The following OSBPL9 variants were observed in gnomAD, a reference collection of about 807,000 sequenced individuals.
OSBPL9 encodes the protein oxysterol binding protein like 9, also known as oxysterol-binding protein-related protein 9.
Under a neutral mutation model 106.6 loss-of-function variants are expected in OSBPL9, and 40 were observed. The ratio of observed to expected loss-of-function variants is 0.38; its 90% CI spans 0.29 to 0.49. The LOEUF (loss-of-function observed/expected upper bound fraction) is 0.49. Among genes scored for constraint, OSBPL9 ranks in the 20% least tolerant of loss-of-function variants. The pLI, the probability that OSBPL9 is intolerant of heterozygous loss-of-function variation, is 0.97. For synonymous variants in OSBPL9, 269 were observed against 295.4 expected (o/e 0.91, Z 0.92); for missense variants, 609 against 887.2 (o/e 0.69, Z 3.98).
chr1:51,727,217 A>G (rs1663286484), intron 4 of OSBPL9, among the ~76,000 whole-genome samples: 1 of 151,640 alleles, frequency 6.6e-6, no homozygotes, highest in African/African-American at 2.4e-5. Context: ...GCCCAGGCAC[A>G]ACATTAACTG....
At chr1:51,704,462 T>C (rs1412693400) in intron 3 of OSBPL9, among the ~76,000 whole-genome samples, 4 of 152,224 alleles carry the variant, frequency 2.6e-5, no homozygotes, top group Non-Finnish European at 5.9e-5. Context: ...TGGTAGTTTG[T>C]ATTTCTGTGG....
the OSBPL9 span, among the ~76,000 whole-genome samples, chr1:51,571,011 G>A: frequency 6.6e-6 from 1 of 152,052 alleles, no homozygotes; most frequent in Admixed American, 6.6e-5. Flanking sequence ...AGTAGAGATG[G>A]GGTTTCAGCA....
intron 21 of OSBPL9, 98 bp downstream of exon 21, chr1:51,785,984 T>C (rs1334187585): frequency 6.0e-6 from 6 of 1,004,418 alleles, no homozygotes; most frequent in Non-Finnish European, 9.3e-6. Flanking sequence ...CATAATGCAT[T>C]TCCTTCTACA....
intron 1 of OSBPL9, among the ~76,000 whole-genome samples, chr1:51,579,602 G>T (rs917959873): frequency 3.3e-5 from 5 of 151,934 alleles, no homozygotes; most frequent in African/African-American, 1.2e-4. Context: ...CATAATAAAA[G>T]ACCCTGACCT....
At chr1:51,725,373 C>G (rs912430583) in intron 4 of OSBPL9, among the ~76,000 whole-genome samples, 4 of 152,180 alleles carry the variant, frequency 2.6e-5, no homozygotes, top group African/African-American at 9.7e-5. Flanking sequence ...GGATATTTAT[C>G]ATAATTATTT....
chr1:51,757,483 T>C (rs886256240), intron 9 of OSBPL9, among the ~76,000 whole-genome samples: 2 of 151,832 alleles, frequency 1.3e-5, no homozygotes, highest in African/African-American at 4.8e-5. Flanking sequence ...TTGGCTGTTA[T>C]TTTTATCTCT....
At chr1:51,710,898 T>C (rs542772701) in intron 3 of OSBPL9, among the ~76,000 whole-genome samples, 1 of 152,324 alleles carries the variant, frequency 6.6e-6, no homozygotes, top group African/African-American at 2.4e-5. Context: ...TGAATGTCTT[T>C]AATCAGTTTT....
chr1:51,727,434 A>G (rs1379681568), intron 4 of OSBPL9, among the ~76,000 whole-genome samples: 2 of 152,220 alleles, frequency 1.3e-5, no homozygotes, highest in African/African-American at 4.8e-5. Context: ...AAATAATGAT[A>G]TAATGCTGAA....
chr1:51,689,475 A>G (rs1243032279), intron 3 of OSBPL9, among the ~76,000 whole-genome samples: 2 of 151,970 alleles, frequency 1.3e-5, no homozygotes, highest in Non-Finnish European at 2.9e-5. Context: ...TTGAAGTTCT[A>G]TATTTTCCCT....
chr1:51,649,717 C>T (rs1290626368), intron 1 of OSBPL9, among the ~76,000 whole-genome samples: 1 of 144,500 alleles, frequency 6.9e-6, no homozygotes, highest in East Asian at 2.0e-4. Flanking sequence ...TGCTCTATTA[C>T]GATTGTTTAC....
chr1:51,759,503 T>C (rs551318264), intron 9 of OSBPL9: 1 of 152,292 alleles, frequency 6.6e-6, no homozygotes, highest in South Asian at 2.1e-4. Context: ...ATTTCCCTTA[T>C]ATTTCTGTTT....
At chr1:51,520,133 C>A in the OSBPL9 span, among the ~76,000 whole-genome samples, 1 of 152,194 alleles carries the variant, frequency 6.6e-6, no homozygotes, top group African/African-American at 2.4e-5. Context: ...GAAGTCATCA[C>A]CCTAATGACA....
At chr1:51,600,904 A>C (rs1360879202) in intron 2 of OSBPL9, among the ~76,000 whole-genome samples, 2 of 152,210 alleles carry the variant, frequency 1.3e-5, no homozygotes, top group Non-Finnish European at 2.9e-5. Context: ...CTCCCAGGGA[A>C]CAGTTCAGGA....
intron 2 of OSBPL9, among the ~76,000 whole-genome samples, chr1:51,668,312 T>C (rs1648998068): frequency 6.6e-6 from 1 of 152,178 alleles, no homozygotes; most frequent in African/African-American, 2.4e-5. Context: ...CTTCACAGAA[T>C]GCATGTAGTT....
At chr1:51,773,513 G>A (rs1382972719) in intron 14 of OSBPL9, among the ~76,000 whole-genome samples, 1 of 152,198 alleles carries the variant, frequency 6.6e-6, no homozygotes, top group Admixed American at 6.5e-5. Flanking sequence ...GTGGCAGACT[G>A]AGATTCTAAT....
chr1:51,713,127 T>TTTTTG (rs1455780816), intron 3 of OSBPL9, among the ~76,000 whole-genome samples: 2 of 152,044 alleles, frequency 1.3e-5, no homozygotes, highest in Non-Finnish European at 2.9e-5. Flanking sequence ...TGGTTGGTTT[T>TTTTTG]TTTTGTTTTT....
the OSBPL9 span, among the ~76,000 whole-genome samples, chr1:51,551,587 T>TTTAC: frequency 2.0e-5 from 3 of 151,958 alleles, no homozygotes; most frequent in African/African-American, 7.2e-5. Context: ...TATTTATTTA[T>TTTAC]TTACTTATTT....
At chr1:51,613,643 T>C (rs1644004708), upstream of OSBPL9, among the ~76,000 whole-genome samples, 1 of 152,136 alleles carries the variant, frequency 6.6e-6, no homozygotes, top group Admixed American at 6.5e-5. Flanking sequence ...CAGAAATGGC[T>C]TTGTACCACA....
intron 8 of OSBPL9, among the ~76,000 whole-genome samples, chr1:51,753,913 G>A (rs150614916): frequency 0.02 from 3,113 of 152,234 alleles, 42 homozygotes; most frequent in Non-Finnish European, 0.029. Flanking sequence ...CCTGGGTATT[G>A]GGATTATTTT....
Sources: allele counts gnomAD v4.1 joint callset (sites outside exome capture counted in the v4.1 genomes callset), GRCh38; gene constraint gnomAD v4.1.1; transcripts MANE v1.5; gene names NCBI Gene and HGNC (gene_info 2026-07-23, HGNC 2026-07-21).